UNC5D: variants seen among roughly 807,000 people sequenced by gnomAD.
The protein encoded by UNC5D is unc-5 netrin receptor D.
A neutral mutation model predicts 105.4 loss-of-function variants in UNC5D; 39 were observed. That is an observed-to-expected ratio of 0.37 (90% CI 0.29 to 0.48). The LOEUF (loss-of-function observed/expected upper bound fraction) is 0.48, where lower values mean the gene tolerates loss of function less well. Among genes scored for constraint, UNC5D ranks in the 20% least tolerant of loss-of-function variants. The pLI is 0.98. For synonymous variants in UNC5D, 452 were observed against 450.4 expected, an observed-to-expected ratio of 1.00 and a Z score of -0.04; for missense variants, 991 against 1,202.4, an observed-to-expected ratio of 0.82 and a Z score of 2.60.
intron 1 of UNC5D, among the ~76,000 whole-genome samples, chr8:35,456,834 G>A (rs1406842940): frequency 6.6e-6 from 1 of 152,110 alleles, no homozygotes; most frequent in East Asian, 1.9e-4. Flanking sequence ...GTTAGGAAAG[G>A]GCAATAGTAA....
At position 35,321,226 on chromosome 8, in the gene UNC5D, T is replaced by C. The variant is rs138330351; in HGVS notation, c.103+85339T>C. On this transcript the variant is annotated intron_variant, in intron 1 of 16. Transcript: ENST00000404895. ...GTCAGCAAACAGACAAAAACTATCA[T>C]ACAGCTTGTTCTGTAAGCTCATTTA... is the stretch of plus-strand genomic sequence containing the variant. 3.9e-5 allele frequency among the ~76,000 whole-genome samples: 6 copies of C among 152,316 alleles called. No individual in the cohort carries two copies. The East Asian group carries it at 9.6e-4, about 24-fold the overall frequency.
chr8:35,294,766 G>A (rs925710356), intron 1 of UNC5D, among the ~76,000 whole-genome samples: 1 of 149,498 alleles, frequency 6.7e-6, no homozygotes, highest in African/African-American at 2.5e-5. Flanking sequence ...AGCAACCACA[G>A]CTGGAGACCT....
chr8:35,393,357 T>A (rs1803902284), intron 1 of UNC5D, among the ~76,000 whole-genome samples: 1 of 151,682 alleles, frequency 6.6e-6, no homozygotes. Flanking sequence ...ATGGTCTCGA[T>A]CTCCTGACCT....
intron 4 of UNC5D, among the ~76,000 whole-genome samples, chr8:35,597,915 G>A (rs1481211902): frequency 6.6e-6 from 1 of 152,048 alleles, no homozygotes; most frequent in Non-Finnish European, 1.5e-5. Context: ...AATCTGGCCT[G>A]GTGTGACCTT....
At chr8:35,756,274 G>A (rs181831247) in intron 13 of UNC5D, among the ~76,000 whole-genome samples, 5 of 152,116 alleles carry the variant, frequency 3.3e-5, no homozygotes, top group Admixed American at 6.5e-5. Context: ...AGGAGTAAGC[G>A]AAAAGAGCAA....
intron 1 of UNC5D, among the ~76,000 whole-genome samples, chr8:35,358,149 A>C (rs999506774): frequency 8.5e-5 from 13 of 152,186 alleles, no homozygotes; most frequent in Non-Finnish European, 1.3e-4. Context: ...ATTACTGGGT[A>C]TATACCCAAA....
intron 1 of UNC5D, among the ~76,000 whole-genome samples, chr8:35,248,950 T>C (rs1803451086): frequency 1.1e-5 from 1 of 94,896 alleles, no homozygotes; most frequent in Non-Finnish European, 1.8e-5. Flanking sequence ...ATATTATATA[T>C]AAACATATAT....
intron 8 of UNC5D, among the ~76,000 whole-genome samples, chr8:35,713,834 T>A (rs1017586446): frequency 6.6e-6 from 1 of 151,918 alleles, no homozygotes; most frequent in Admixed American, 6.5e-5. Context: ...TTGAAAAAAA[T>A]AAGTAGTCAG....
At chr8:35,327,139 T>G (rs1393303870) in intron 1 of UNC5D, among the ~76,000 whole-genome samples, 1 of 152,168 alleles carries the variant, frequency 6.6e-6, no homozygotes, top group Non-Finnish European at 1.5e-5. Flanking sequence ...AGCAGGAATC[T>G]CCTGTTAAAA....
At chr8:35,677,775 CAT>C (rs60257801) in intron 4 of UNC5D, among the ~76,000 whole-genome samples, 3 of 149,640 alleles carry the variant, frequency 2.0e-5, no homozygotes, top group East Asian at 2.0e-4. Flanking sequence ...AGTATACCAG[CAT>C]ATATATATAT....
intron 1 of UNC5D, among the ~76,000 whole-genome samples, chr8:35,370,544 C>G (rs1802371439): frequency 6.6e-6 from 1 of 151,950 alleles, no homozygotes; most frequent in South Asian, 2.1e-4. Context: ...TTTTATGGTT[C>G]ACTTATATTT....
intron 4 of UNC5D, among the ~76,000 whole-genome samples, chr8:35,658,114 T>C (rs1408460158): frequency 6.6e-6 from 1 of 152,252 alleles, no homozygotes; most frequent in African/African-American, 2.4e-5. Flanking sequence ...CTAGGTTTTG[T>C]TCCTCTTTGA....
chr8:35,604,278 G>C (rs999614393), intron 4 of UNC5D, among the ~76,000 whole-genome samples: 1 of 152,140 alleles, frequency 6.6e-6, no homozygotes, highest in South Asian at 2.1e-4. Context: ...GTCTGTAAAG[G>C]ATTTTATTTC....
chr8:35,644,706 T>C (rs1822944447), intron 4 of UNC5D, among the ~76,000 whole-genome samples: 1 of 152,194 alleles, frequency 6.6e-6, no homozygotes, highest in Admixed American at 6.5e-5. Context: ...CCTTGGATTA[T>C]ATTTTAAAAA....
chr8:35,332,457 G>C (rs370562245), intron 1 of UNC5D, among the ~76,000 whole-genome samples: 4 of 152,280 alleles, frequency 2.6e-5, no homozygotes, highest in East Asian at 3.9e-4. Flanking sequence ...AATGTCTTGT[G>C]AATATTGTTG....
chr8:35,722,301 C>T lies in UNC5D; in HGVS notation c.1209C>T (p.Tyr403=). ...TCCTGGTCATTGGTGTCACCCTTTA[C>T]AGACGGAGCCAGAGTGACTATGGCG... ...VAVLVIGVTL[Y]RRSQSDYGVD... is the part of the protein sequence containing the mutation. Residue 403 remains tyrosine (Y), a synonymous_variant, in exon 9 of 17, where the codon TAC becomes TAT. Coordinates refer to ENST00000404895, the MANE Select transcript of UNC5D (RefSeq NM_080872.4). 6.2e-7 allele frequency: 1 copy of T among 1,614,182 alleles called. No homozygotes were observed. Among genetic ancestry groups the T allele is most frequent in the South Asian group, 1.1e-5 (1 of 91,074 alleles).
At chr8:35,338,819 T>TGACC (rs1811246135) in intron 1 of UNC5D, among the ~76,000 whole-genome samples, 3 of 152,178 alleles carry the variant, frequency 2.0e-5, no homozygotes, top group Non-Finnish European at 4.4e-5. Context: ...AAATGCACCC[T>TGACC]GACCGACTTC....
chr8:35,479,178 G>A (rs985264405), intron 1 of UNC5D, among the ~76,000 whole-genome samples: 2 of 152,140 alleles, frequency 1.3e-5, no homozygotes, highest in Non-Finnish European at 2.9e-5. Flanking sequence ...AGCCTACTAT[G>A]TCTCAAGCCT....
chr8:35,590,439 AT>A (rs955312489), intron 3 of UNC5D, among the ~76,000 whole-genome samples: 9 of 151,712 alleles, frequency 5.9e-5, no homozygotes, highest in East Asian at 1.9e-4. Flanking sequence ...ATCTAGTTTT[AT>A]TTTTTTTCTC....
Sources: allele counts gnomAD v4.1 joint callset (sites outside exome capture counted in the v4.1 genomes callset), GRCh38; gene constraint gnomAD v4.1.1; transcripts MANE v1.5; gene names NCBI Gene and HGNC (gene_info 2026-07-23, HGNC 2026-07-21).